Variants in ADGRD1 observed in about 807,000 individuals in gnomAD.
ADGRD1 encodes the protein adhesion G protein-coupled receptor D1.
A neutral mutation model predicts 113.4 loss-of-function variants in ADGRD1; 77 were observed. The ratio of observed to expected loss-of-function variants is 0.68; its 90% confidence interval spans 0.57 to 0.82. ADGRD1 has a LOEUF of 0.82. Among genes scored for constraint, ADGRD1 ranks in the 40% least tolerant of loss-of-function variants. The pLI is 0.00. For synonymous variants in ADGRD1, 474 were observed against 475.0 expected, an observed-to-expected ratio of 1.00 and a Z score of 0.03; for missense variants, 1,036 against 1,139.1, an observed-to-expected ratio of 0.91 and a Z score of 1.30.
At chr12:131,002,676 G>A in intron 9 of ADGRD1, 2 of 1,166,148 alleles carry the variant, frequency 1.7e-6, no homozygotes, top group Middle Eastern at 2.4e-4. Flanking sequence ...GGCTCTTGGA[G>A]TAGAAGGCAA....
Position 131,096,900 on chromosome 12 carries a change from T to C in ADGRD1, c.1672-7931T>C, listed in dbSNP as rs547812817. 2.1e-4 allele frequency among the ~76,000 whole-genome samples: 32 copies of C among 152,272 alleles called. No homozygotes were observed. The highest frequency in any genetic ancestry group is 8.5e-4 in the Admixed American group (13 of 15,304). ...TCCCACGGCCGACCACTGTGCTGAGTTGCAGGTCTGTCACTTGGGGCAGGT... is the reference window on the plus strand; with the variant it reads ...TCCCACGGCCGACCACTGTGCTGAGCTGCAGGTCTGTCACTTGGGGCAGGT... On this transcript the variant is annotated intron_variant, in intron 15 of 24. Transcript: ENST00000261654. The surrounding 1 kb of genome is among the most constrained non-coding windows in gnomAD (Gnocchi z 5.2).
chr12:131,025,616 C>T (rs1879850698), intron 13 of ADGRD1: 1 of 151,626 alleles, frequency 6.6e-6, no homozygotes, highest in African/African-American at 2.4e-5. Context: ...GATCTCGGCT[C>T]ACTGCAACTT....
chr12:131,126,147 C>T (rs1041729641), intron 20 of ADGRD1, among the ~76,000 whole-genome samples: 4 of 152,156 alleles, frequency 2.6e-5, no homozygotes, highest in Non-Finnish European at 2.9e-5. Flanking sequence ...GCGACAGGTT[C>T]GGAGAGGTGG....
At chr12:131,116,529 T>A (rs1255482283) in intron 18 of ADGRD1, among the ~76,000 whole-genome samples, 1 of 142,120 alleles carries the variant, frequency 7.0e-6, no homozygotes, top group African/African-American at 3.1e-5. Context: ...ACTGGAGGGC[T>A]GCGGCCTGGA....
chr12:131,006,231 G>C (rs2136756436), intron 12 of ADGRD1, among the ~76,000 whole-genome samples, 184 bp downstream of exon 12: 1 of 152,358 alleles, frequency 6.6e-6, no homozygotes, highest in African/African-American at 2.4e-5. Context: ...TGCAAGGCTG[G>C]GGCCAGGCTG....
intron 8 of ADGRD1, among the ~76,000 whole-genome samples, chr12:130,997,188 ACCCCCCCCCCCG>A (rs1875619862): frequency 4.8e-5 from 1 of 20,828 alleles, no homozygotes; most frequent in African/African-American, 2.5e-4. Flanking sequence ...CGGGGGGCTG[ACCCCCCCCCCCG>A]GACGGGGCAG....
In ADGRD1 at chr12:131,003,178, G is replaced by A. The variant is rs773324312; in HGVS notation, c.1027-7G>A. On this transcript the variant is annotated splice_region_variant and splice_polypyrimidine_tract_variant and intron_variant, in intron 9 of 24. Transcript: ENST00000261654. This position sits in a 1 kb window ranked among gnomAD's most constrained non-coding sequence, Gnocchi z 4.8. ...TTTCATGGCTCCTGGTGCTTGTGTT[G>A]CTGCAGGACAGCGCCGTGGTACTGA... 3.7e-6 allele frequency: 6 copies of A among 1,607,548 alleles called. No homozygotes were observed. The highest frequency in any genetic ancestry group is 5.1e-6 in the Non-Finnish European group (6 of 1,174,226).
chr12:131,044,421 G>C (rs1447672168), intron 13 of ADGRD1, among the ~76,000 whole-genome samples: 2 of 152,294 alleles, frequency 1.3e-5, no homozygotes, highest in African/African-American at 4.8e-5. Context: ...AAGCACAGGG[G>C]GCTGAGGGGA....
intron 21 of ADGRD1, 106 bp downstream of exon 21, chr12:131,131,922 A>G (rs537396060): frequency 2.7e-6 from 2 of 742,822 alleles, no homozygotes; most frequent in East Asian, 2.6e-5. Flanking sequence ...GGCCGGCACC[A>G]AAGTCCTCCA....
In ADGRD1 at chr12:131,022,016, T is replaced by G. The variant is rs1227717533; in HGVS notation, c.1473+7676T>G. 6.6e-6 allele frequency among the ~76,000 whole-genome samples: 1 copy of G among 152,166 alleles called. No individual in the cohort carries two copies. ...ACCGCGCTCGGCCCTGATCTCTTCT[T>G]ATAAGGATACTGGTCACGTTGGATT... On this transcript the variant is annotated intron_variant, in intron 13 of 24. Transcript: ENST00000261654. This position sits in a 1 kb window ranked among gnomAD's most constrained non-coding sequence, Gnocchi z 4.6.
At chr12:130,955,773 A>T (rs1195752) in intron 2 of ADGRD1, among the ~76,000 whole-genome samples, 132,717 of 151,646 alleles carry the variant, frequency 0.88, 58,161 homozygotes, top group East Asian at 0.99. Flanking sequence ...CAGCCTTTTT[A>T]AAAAAATTAT....
intron 5 of ADGRD1, among the ~76,000 whole-genome samples, chr12:130,983,589 C>T (rs1021651211): frequency 1.8e-4 from 28 of 152,112 alleles, no homozygotes; most frequent in African/African-American, 6.8e-4. Flanking sequence ...AGGGAAAGGG[C>T]GAGAATTAGA....
At chr12:130,996,573 C>T (rs1338795879) in intron 8 of ADGRD1, among the ~76,000 whole-genome samples, 3 of 129,576 alleles carry the variant, frequency 2.3e-5, no homozygotes, top group South Asian at 2.6e-4. Context: ...GCTGGCCGGG[C>T]AGAGGGGCTC....
rs749209316 is a variant in ADGRD1, at chr12:130,991,091, A to G, written c.810+13A>G. The G allele has an allele frequency of 8.7e-6, 14 of 1,611,020 alleles. No homozygotes were observed. In the Admixed American group the frequency reaches 1.8e-4, roughly 21 times the overall value. On this transcript the variant is annotated intron_variant, in intron 7 of 24. Coordinates refer to ENST00000261654, the MANE Select transcript of ADGRD1 (RefSeq NM_198827.5). ...AGCAAGCCCCGTGGTGAGCAGACAC[A>G]TCTTCCTTGGTCCCCCTTGCTGATG...
At position 131,131,673 on chromosome 12, in the gene ADGRD1, C is replaced by T. The variant is rs570270941; in HGVS notation, c.2176-52C>T. 4 of 1,307,072 alleles carry T rather than the reference C, an allele frequency of 3.1e-6. No homozygotes were observed. In the South Asian group the frequency reaches 3.6e-5, roughly 12 times the overall value. The allele number at this position is 1,307,072 out of a possible 1,614,324, so 81.0% of individuals were successfully genotyped here. ...CAGTGGCCAGGCGGACGCAGCTCTC[C>T]TGCAGGTGCAGCCCAGGCCCCCCTC... On this transcript the variant is annotated intron_variant, in intron 20 of 24. Transcript: ENST00000261654.
At position 131,057,262 on chromosome 12, in the gene ADGRD1, T is replaced by C. The variant is rs184590343; in HGVS notation, c.1474-19539T>C. Among the ~76,000 whole-genome samples the C allele has an allele frequency of 1.5e-4, 23 of 152,290 alleles. No homozygotes were observed. In the East Asian group the frequency reaches 4.4e-3, roughly 29 times the overall value. On this transcript the variant is annotated intron_variant, in intron 13 of 24. Transcript: ENST00000261654. This position sits in a 1 kb window ranked among gnomAD's most constrained non-coding sequence, Gnocchi z 4.2. ...TGAGAGAAGCTCTGTGCTTCACCCCTGAAGCTGGGTTGGATGGCATCAGTG... is the reference window on the plus strand; with the variant it reads ...TGAGAGAAGCTCTGTGCTTCACCCCCGAAGCTGGGTTGGATGGCATCAGTG...
At chr12:130,957,643 T>G (rs1161669615) in intron 2 of ADGRD1, 1 of 152,292 alleles carries the variant, frequency 6.6e-6, no homozygotes, top group Non-Finnish European at 1.5e-5. Flanking sequence ...CAGTTTGAAC[T>G]CAGTCTTTGT....
intron 2 of ADGRD1, among the ~76,000 whole-genome samples, chr12:130,955,505 G>A (rs1325474586): frequency 6.6e-6 from 1 of 152,184 alleles, no homozygotes; most frequent in Non-Finnish European, 1.5e-5. Context: ...CACACCCTTC[G>A]CTGTTAAGAG....
At chr12:131,117,975 A>G (rs1183495937) in intron 18 of ADGRD1, among the ~76,000 whole-genome samples, 1 of 152,176 alleles carries the variant, frequency 6.6e-6, no homozygotes, top group Non-Finnish European at 1.5e-5. Flanking sequence ...CCATCCCGTT[A>G]TGACAACCCT....
Sources: gnomAD v4.1 joint callset for allele counts (sites outside exome capture counted in the v4.1 genomes callset) on GRCh38, gnomAD v4.1.1 for gene constraint, Gnocchi (gnomAD v3.1) non-coding constraint, MANE v1.5 for transcripts, NCBI Gene and HGNC (gene_info 2026-07-23, HGNC 2026-07-21) for gene names.